MEIG1: variants seen among roughly 807,000 people sequenced by gnomAD.
MEIG1 encodes the protein meiosis/spermiogenesis associated 1, also known as meiosis expressed gene 1 protein homolog.
In MEIG1, 12 loss-of-function variants were observed where a neutral mutation model predicts 11.3. The ratio of observed to expected loss-of-function variants is 1.07; its 90% CI spans 0.68 to 1.73. MEIG1 has a LOEUF of 1.73. Ranked by LOEUF, MEIG1 falls within the 40% of genes most tolerant of loss-of-function variation. The pLI is 0.00. For synonymous variants in MEIG1, 41 were observed against 33.2 expected, an observed-to-expected ratio of 1.24 and a Z score of -0.81; for missense variants, 119 against 104.9, an observed-to-expected ratio of 1.13 and a Z score of -0.59.
upstream of MEIG1, among the ~76,000 whole-genome samples, chr10:14,957,536 C>T (rs1024690294): frequency 6.6e-6 from 1 of 152,218 alleles, no homozygotes; most frequent in African/African-American, 2.4e-5. Flanking sequence ...TCTTACAGGG[C>T]TTTGCTCACC....
chr10:14,963,770 C>T (rs1843043640), intron 1 of MEIG1, among the ~76,000 whole-genome samples: 2 of 152,094 alleles, frequency 1.3e-5, no homozygotes, highest in Admixed American at 1.3e-4. Context: ...TCAAGACCAG[C>T]CTGAGAAACA....
At chr10:14,988,005 GT>G (rs905636272) in exon 3 of MEIG1, 2 of 152,564 alleles carry the variant, frequency 1.3e-5, no homozygotes, top group African/African-American at 4.8e-5. Flanking sequence ...TCATCCTTCG[GT>G]TTTCTGACAT....
downstream of MEIG1, among the ~76,000 whole-genome samples, chr10:14,974,495 A>G (rs1843189918): frequency 6.6e-6 from 1 of 152,066 alleles, no homozygotes; most frequent in African/African-American, 2.4e-5. Context: ...ATCCTCCTCT[A>G]TCCCAGTATA....
At chr10:14,967,901 CA>C (rs1362383597) in intron 2 of MEIG1, among the ~76,000 whole-genome samples, 4 of 151,730 alleles carry the variant, frequency 2.6e-5, no homozygotes, top group African/African-American at 4.8e-5. Flanking sequence ...TTGCAAATCT[CA>C]AAAAAAATTT....
intron 1 of MEIG1, among the ~76,000 whole-genome samples, chr10:14,964,765 C>T (rs1843060133): frequency 6.9e-6 from 1 of 145,344 alleles, no homozygotes; most frequent in African/African-American, 2.6e-5. Context: ...ATTGCAGGCA[C>T]CTGCTACCAC....
chr10:14,982,615 T>A (rs977809147), intron 1 of MEIG1, among the ~76,000 whole-genome samples: 2 of 152,126 alleles, frequency 1.3e-5, no homozygotes, highest in Non-Finnish European at 2.9e-5. Flanking sequence ...CACGTGACCA[T>A]CCTCCTCTAT....
intron 1 of MEIG1, among the ~76,000 whole-genome samples, chr10:14,981,699 G>C (rs190573584): frequency 1.2e-4 from 19 of 152,238 alleles, no homozygotes; most frequent in African/African-American, 4.6e-4. Flanking sequence ...CTTCCTCCTA[G>C]TCCAGGGCCT....
upstream of MEIG1, among the ~76,000 whole-genome samples, chr10:14,957,821 T>C (rs1207314544): frequency 2.6e-5 from 4 of 152,138 alleles, no homozygotes; most frequent in African/African-American, 7.2e-5. Context: ...AGTTCTTTTG[T>C]ATTTTTAGTA....
downstream of MEIG1, among the ~76,000 whole-genome samples, chr10:14,974,005 G>C (rs1589212910): frequency 1.3e-5 from 2 of 152,214 alleles, no homozygotes; most frequent in Admixed American, 1.3e-4. Flanking sequence ...CATATGATAG[G>C]CCTTACACAG....
Position 14,966,501 on chromosome 10 carries a change from A to G in MEIG1, c.33A>G (p.Val11=). 6.2e-7 allele frequency: 1 copy of G among 1,611,844 alleles called. No individual in the cohort carries two copies. Among genetic ancestry groups the G allele is most frequent in the Non-Finnish European group, 8.5e-7 (1 of 1,179,002 alleles). ...GTTCTGACGTAAAACCAAAATCAGTAAGTCATGCCAAAAAATGGTCAGAAG... is the reference window on the plus strand; with the variant it reads ...GTTCTGACGTAAAACCAAAATCAGTGAGTCATGCCAAAAAATGGTCAGAAG... MASSDVKPKS[V]SHAKKWSEEI... Residue 11 remains valine, a synonymous_variant, in exon 2 of 3, where the codon GTA becomes GTG. Coordinates refer to ENST00000407572, the MANE Select transcript of MEIG1 (RefSeq NM_001080836.3).
chr10:14,962,924 T>C (rs10796229), intron 1 of MEIG1, among the ~76,000 whole-genome samples: 149,098 of 152,030 alleles, frequency 0.98, 73,119 homozygotes, highest in Middle Eastern at 1. Context: ...CCACCATGCC[T>C]GGCTAATTTT....
At chr10:14,979,907 G>A (rs1843247779) in intron 1 of MEIG1, among the ~76,000 whole-genome samples, 1 of 151,992 alleles carries the variant, frequency 6.6e-6, no homozygotes, top group South Asian at 2.1e-4. Context: ...TATTTCTATT[G>A]TCAGAGGAGT....
chr10:14,958,266 C>T (rs568280418), upstream of MEIG1, among the ~76,000 whole-genome samples: 3 of 152,026 alleles, frequency 2.0e-5, no homozygotes, highest in Non-Finnish European at 2.9e-5. Flanking sequence ...AGAGAAAGAC[C>T]GGGCTGAAGA....
chr10:14,966,253 G>C (rs1016729141), intron 1 of MEIG1, among the ~76,000 whole-genome samples, 187 bp from the exon 2 acceptor site: 1 of 151,514 alleles, frequency 6.6e-6, no homozygotes, highest in Non-Finnish European at 1.5e-5. Context: ...TAGCAGAGAC[G>C]GTGTTTCACC....
intron 1 of MEIG1, among the ~76,000 whole-genome samples, chr10:14,984,997 C>T (rs1040238481): frequency 1.3e-5 from 2 of 152,100 alleles, no homozygotes; most frequent in African/African-American, 4.8e-5. Context: ...ACTCATTTCA[C>T]AATGCGTGTA....
At chr10:14,981,582 A>G (rs563419057) in intron 1 of MEIG1, among the ~76,000 whole-genome samples, 3,696 of 151,740 alleles carry the variant, frequency 0.024, 71 homozygotes, top group South Asian at 0.047. Flanking sequence ...CTACAGGAAA[A>G]TCAATGTCTC....
chr10:14,985,332 C>T (rs1271696521), intron 1 of MEIG1, among the ~76,000 whole-genome samples: 2 of 151,888 alleles, frequency 1.3e-5, no homozygotes, highest in Non-Finnish European at 2.9e-5. Context: ...GCCTGTACAC[C>T]CTGTGATATT....
downstream of MEIG1, among the ~76,000 whole-genome samples, chr10:14,974,024 A>G (rs1333821315): frequency 6.6e-6 from 1 of 152,118 alleles, no homozygotes; most frequent in Non-Finnish European, 1.5e-5. Context: ...AGTCTCTCGT[A>G]TAATTGTGCT....
intron 2 of MEIG1, chr10:14,987,066 G>A: frequency 1.6e-6 from 1 of 615,568 alleles, no homozygotes; most frequent in South Asian, 1.5e-5. Context: ...TGGCTACAAA[G>A]CCGTCATAGG....
Sources: gnomAD v4.1 joint callset for allele counts (sites outside exome capture counted in the v4.1 genomes callset) on GRCh38, gnomAD v4.1.1 for gene constraint, MANE v1.5 for transcripts, NCBI Gene and HGNC (gene_info 2026-07-23, HGNC 2026-07-21) for gene names.